MATN2: variants seen among roughly 807,000 people sequenced by gnomAD.
MATN2 encodes the protein matrilin-2.
A neutral mutation model predicts 103.2 loss-of-function variants in MATN2; 69 were observed. The observed-to-expected ratio is 0.67, with a 90% confidence interval of 0.55 to 0.82. MATN2 has a LOEUF of 0.82. Ranked by LOEUF, MATN2 falls within the 40% of genes least tolerant of loss-of-function variation. The pLI is 0.00. For synonymous variants in MATN2, 429 were observed against 450.2 expected, an observed-to-expected ratio of 0.95 and a Z score of 0.60; for missense variants, 1,023 against 1,211.5, an observed-to-expected ratio of 0.84 and a Z score of 2.31.
intron 2 of MATN2, among the ~76,000 whole-genome samples, chr8:97,901,180 G>A (rs1299721911): frequency 6.6e-6 from 1 of 152,134 alleles, no homozygotes; most frequent in Non-Finnish European, 1.5e-5. Flanking sequence ...TGTCTCCAAA[G>A]TGAAGAAGAA....
chr8:97,935,835 A>G (rs1048795736), intron 3 of MATN2, among the ~76,000 whole-genome samples: 15 of 152,180 alleles, frequency 9.9e-5, no homozygotes, highest in African/African-American at 3.4e-4. Flanking sequence ...TGCAGGCAGA[A>G]CTGAAAATCA....
chr8:98,021,726 A>G (rs1813599404), intron 13 of MATN2, among the ~76,000 whole-genome samples: 1 of 152,018 alleles, frequency 6.6e-6, no homozygotes, highest in Non-Finnish European at 1.5e-5. Context: ...TGAGAGAATT[A>G]TTTTTTAATC....
At chr8:97,994,054 GAGAA>G (rs199788464) in intron 6 of MATN2, among the ~76,000 whole-genome samples, 6,275 of 141,062 alleles carry the variant, frequency 0.044, 446 homozygotes, top group African/African-American at 0.15. Context: ...GAAAGGAAGA[GAGAA>G]AGAAAGAAAG....
At position 98,018,128 on chromosome 8, in the gene MATN2, C is replaced by T. The variant is rs754449041; in HGVS notation, c.1819+12C>T. The T allele has an allele frequency of 7.4e-6, 12 of 1,613,100 alleles. No homozygotes were observed. Among genetic ancestry groups the T allele is most frequent in the East Asian group, 2.2e-5 (1 of 44,856 alleles). ...GAAACGCTGCCGAAGTAAGTAGCCT[C>T]GAGGTGGAGAAGAACTTTTCCCTCT... is the stretch of plus-strand genomic sequence containing the variant. On this transcript the variant is annotated intron_variant, in intron 12 of 18. Transcript: ENST00000254898.
intron 16 of MATN2, 142 bp from the exon 17 acceptor site, chr8:98,032,900 T>C: frequency 1.6e-6 from 1 of 614,948 alleles, no homozygotes; most frequent in African/African-American, 1.9e-5. Flanking sequence ...CCACTGAAGA[T>C]AACAGTCTTT....
chr8:97,985,224 C>A (rs1440251954), intron 6 of MATN2, among the ~76,000 whole-genome samples: 1 of 152,014 alleles, frequency 6.6e-6, no homozygotes, highest in Admixed American at 6.6e-5. Flanking sequence ...AGAGAGGAAG[C>A]AAGAGAGAAA....
chr8:97,962,510 G>A (rs1563693987), intron 5 of MATN2, among the ~76,000 whole-genome samples: 3 of 152,164 alleles, frequency 2.0e-5, no homozygotes, highest in Non-Finnish European at 2.9e-5. Flanking sequence ...TGAGAGTATC[G>A]TGGGTTTGTT....
At chr8:97,907,362 A>G (rs1234907743) in intron 2 of MATN2, among the ~76,000 whole-genome samples, 1 of 142,826 alleles carries the variant, frequency 7.0e-6, no homozygotes, top group Non-Finnish European at 1.5e-5. Context: ...TCCAGGCTGG[A>G]GTGCAGTGGC....
chr8:97,966,999 T>C (rs1353507005), intron 5 of MATN2, among the ~76,000 whole-genome samples: 2 of 152,162 alleles, frequency 1.3e-5, no homozygotes, highest in Admixed American at 6.5e-5. Flanking sequence ...CTTCCAATCA[T>C]GGTAGAAGGT....
rs191525095 is a variant in MATN2, at chr8:97,900,914, A to G, written c.142+12672A>G. On this transcript the variant is annotated intron_variant, in intron 2 of 18. Coordinates refer to ENST00000254898, the MANE Select transcript of MATN2 (RefSeq NM_002380.5). Reference sequence around the variant, plus strand: ...AGCGCCACTGCACTCCAGCCTGGGCAACAGAGCGAGACTCTGTCCCCGCCC... The same window carrying G: ...AGCGCCACTGCACTCCAGCCTGGGCGACAGAGCGAGACTCTGTCCCCGCCC... 7.8e-4 allele frequency among the ~76,000 whole-genome samples: 119 copies of G among 152,224 alleles called. No homozygotes were observed. The East Asian group carries it at 0.019, about 25-fold the overall frequency.
chr8:97,937,086 A>G (rs1176870440), intron 3 of MATN2, among the ~76,000 whole-genome samples: 1 of 152,082 alleles, frequency 6.6e-6, no homozygotes, highest in Admixed American at 6.6e-5. Flanking sequence ...CCAGCCCCTG[A>G]GGCTCACTTG....
rs202163245 is a variant in MATN2 at position 97,883,050 on chromosome 8, A to G, written c.-26-5025A>G. On this transcript the variant is annotated intron_variant, in intron 1 of 18. Transcript: ENST00000254898. ...CAGGTGCTGTGGCTCATGCTTGTAA[A>G]CCTAGCACCCTGAGAGGCCAAGGCA... Among the ~76,000 whole-genome samples the G allele has an allele frequency of 1.7e-4, 26 of 152,032 alleles. No individual in the cohort carries two copies. The South Asian group carries it at 2.1e-3, about 12-fold the overall frequency.
At chr8:97,970,571 T>C (rs1381989862) in intron 5 of MATN2, among the ~76,000 whole-genome samples, 1 of 152,224 alleles carries the variant, frequency 6.6e-6, no homozygotes, top group Non-Finnish European at 1.5e-5. Flanking sequence ...CAACAAGTAT[T>C]ACCAGGAAAG....
chr8:98,027,593 T>C lies in MATN2; in HGVS notation c.2120T>C (p.Phe707Ser). The change falls in exon 14 of 19, where the codon TTC becomes TCC. Residue 707 changes from phenylalanine to serine, a missense_variant. Physicochemically the swap from Phe to Ser is radical, Grantham distance 155. Transcript: ENST00000254898. Reference protein sequence around the residue: ...LQYSTQVHTEFTLRNFNSAKD... With the variant: ...LQYSTQVHTESTLRNFNSAKD... Reference sequence around the variant, plus strand: ...TATTCCACACAGGTCCACACAGAGTTCACTCTGAGAAACTTCAACTCAGCC... The same window carrying C: ...TATTCCACACAGGTCCACACAGAGTCCACTCTGAGAAACTTCAACTCAGCC... 2 of 1,613,730 alleles carry C rather than the reference T, an allele frequency of 1.2e-6. No individual in the cohort carries two copies. The highest frequency in any genetic ancestry group is 1.7e-6 in the Non-Finnish European group (2 of 1,179,764).
At chr8:97,889,860 C>T (rs1024571577) in intron 2 of MATN2, among the ~76,000 whole-genome samples, 15 of 151,966 alleles carry the variant, frequency 9.9e-5, no homozygotes, top group African/African-American at 3.6e-4. Flanking sequence ...CTCTAGGCTC[C>T]AAGTCTCTCT....
chr8:97,989,695 T>TAA (rs796323453), intron 6 of MATN2, among the ~76,000 whole-genome samples: 21 of 150,950 alleles, frequency 1.4e-4, no homozygotes, highest in Admixed American at 4.0e-4. Context: ...CCTAGATTGT[T>TAA]AAAAAAAAAC....
chr8:97,963,425 C>T (rs1350895078), intron 5 of MATN2, among the ~76,000 whole-genome samples: 1 of 152,066 alleles, frequency 6.6e-6, no homozygotes, highest in East Asian at 1.9e-4. Flanking sequence ...CCACCTTGGC[C>T]CATGGGAAAC....
intron 1 of MATN2, among the ~76,000 whole-genome samples, chr8:97,887,218 A>T (rs906164999): frequency 1.8e-4 from 27 of 150,066 alleles, no homozygotes; most frequent in East Asian, 7.8e-4. Context: ...ATAAATTTAA[A>T]TTTTTTTTTT....
At chr8:97,987,848 T>C (rs1179316306) in intron 6 of MATN2, among the ~76,000 whole-genome samples, 1 of 152,002 alleles carries the variant, frequency 6.6e-6, no homozygotes, top group African/African-American at 2.4e-5. Context: ...ATAAAAGGAA[T>C]AGAAGACATA....
Sources: allele counts gnomAD v4.1 joint callset (sites outside exome capture counted in the v4.1 genomes callset), GRCh38; gene constraint gnomAD v4.1.1; transcripts MANE v1.5; gene names NCBI Gene and HGNC (gene_info 2026-07-23, HGNC 2026-07-21).